The following WDFY3 variants were observed in gnomAD, a reference collection of about 807,000 sequenced individuals.
The protein encoded by WDFY3 is WD repeat and FYVE domain containing 3.
Under a neutral mutation model 409.6 loss-of-function variants are expected in WDFY3, and 66 were observed. That is an observed-to-expected ratio of 0.16 (90% CI 0.13 to 0.20). WDFY3 has a LOEUF of 0.20. Among genes scored for constraint, WDFY3 ranks in the 10% least tolerant of loss-of-function variants. WDFY3 has a pLI of 1.00. For missense variants in WDFY3, 3,031 were observed against 4,298.1 expected, an observed-to-expected ratio of 0.71 and a Z score of 8.24; for synonymous variants, 1,521 against 1,537.1, an observed-to-expected ratio of 0.99 and a Z score of 0.25.
chr4:84,876,503 T>C (rs1762802634), intron 3 of WDFY3, among the ~76,000 whole-genome samples: 1 of 152,186 alleles, frequency 6.6e-6, no homozygotes, highest in Non-Finnish European at 1.5e-5. Context: ...GCACTTAGAT[T>C]AGTATTTGGC....
At chr4:84,834,764 CA>C (rs1002970923) in intron 7 of WDFY3, among the ~76,000 whole-genome samples, 3 of 152,088 alleles carry the variant, frequency 2.0e-5, no homozygotes, top group African/African-American at 7.2e-5. Flanking sequence ...TCAACAACAA[CA>C]AAAAAACTGA....
At chr4:84,868,780 C>A (rs1171672521) in intron 3 of WDFY3, among the ~76,000 whole-genome samples, 1 of 152,114 alleles carries the variant, frequency 6.6e-6, no homozygotes, top group Non-Finnish European at 1.5e-5. Flanking sequence ...GAAATTGCAA[C>A]CACTAATAGA....
intron 21 of WDFY3, among the ~76,000 whole-genome samples, chr4:84,792,937 T>A (rs983524746): frequency 6.6e-6 from 1 of 152,160 alleles, no homozygotes; most frequent in Non-Finnish European, 1.5e-5. Context: ...ATTACAAAGA[T>A]AAGCAGACAA....
At chr4:84,950,513 C>T (rs773175987) in intron 1 of WDFY3, among the ~76,000 whole-genome samples, 4 of 151,892 alleles carry the variant, frequency 2.6e-5, no homozygotes, top group South Asian at 4.2e-4. Context: ...TAATTTTAGG[C>T]GGGCAAGGTG....
chr4:84,734,976 G>T, intron 43 of WDFY3, 67 bp downstream of exon 43: 1 of 1,334,222 alleles, frequency 7.5e-7, no homozygotes, highest in Non-Finnish European at 1.1e-6. Flanking sequence ...AAGATACCAG[G>T]ACAAACAGAG....
rs376157504 is a variant in WDFY3 at position 84,713,124 on chromosome 4, A to T, written c.8042+35T>A. 75 of 1,601,326 alleles carry T rather than the reference A, an allele frequency of 4.7e-5. 1 individual carries two copies. In the African/African-American group the frequency reaches 6.6e-4, roughly 14 times the overall value. On this transcript the variant is annotated intron_variant, in intron 51 of 67. Transcript: ENST00000295888. ...AGATATGAATCATCCCAACTTCACT[A>T]TTAAACTGTAACATGCAAGGAACAA...
intron 42 of WDFY3, 147 bp from the exon 43 acceptor site, chr4:84,735,267 A>G: frequency 7.1e-6 from 5 of 706,044 alleles, no homozygotes; most frequent in Non-Finnish European, 1.2e-5. Context: ...TTCAGAATGA[A>G]TTATATGCTT....
At chr4:84,957,468 C>T (rs1774387001) in intron 1 of WDFY3, among the ~76,000 whole-genome samples, 2 of 152,152 alleles carry the variant, frequency 1.3e-5, no homozygotes, top group Non-Finnish European at 2.9e-5. Flanking sequence ...TCAAGTCTTA[C>T]ATCTTCTGCA....
In WDFY3 at chr4:84,688,270, G is replaced by A. The variant is rs749286763; in HGVS notation, c.9364-5C>T. 3.1e-6 allele frequency: 5 copies of A among 1,611,362 alleles called. No individual in the cohort carries two copies. Among genetic ancestry groups the A allele is most frequent in the Non-Finnish European group, 3.4e-6 (4 of 1,178,716 alleles). On this transcript the variant is annotated splice_region_variant and splice_polypyrimidine_tract_variant and intron_variant, in intron 61 of 67. Coordinates refer to ENST00000295888, the MANE Select transcript of WDFY3 (RefSeq NM_014991.6). The stretch of plus-strand genomic sequence containing the variant: ...ATCAGTGTGGCCCAGTAAGGCCTAC[G>A]AATGAGAACAAACAAACAAAATCAG...
intron 38 of WDFY3, 49 bp downstream of exon 38, chr4:84,741,712 G>A: frequency 6.7e-7 from 1 of 1,497,862 alleles, no homozygotes; most frequent in Non-Finnish European, 9.0e-7. Context: ...GACACCATAG[G>A]CAAAACAGGA....
chr4:84,916,036 AG>A (rs1448043784), intron 2 of WDFY3, among the ~76,000 whole-genome samples: 2 of 152,314 alleles, frequency 1.3e-5, no homozygotes, highest in Non-Finnish European at 2.9e-5. Flanking sequence ...TCATATATTT[AG>A]GGGTAAGTAT....
At position 84,820,215 on chromosome 4, in the gene WDFY3, CAA is replaced by C. The variant is rs111443128; in HGVS notation, c.1592-31_1592-30del. The C allele has an allele frequency of 6.3e-4, 970 of 1,537,040 alleles. 4 individuals are homozygous for C. The African/African-American group carries it at 0.011, about 18-fold the overall frequency. ...AAAAAAGGTTCAAAGGTCCAAATTA[CAA>C]AAGTGATAAGCTTATTTTTTCTTGA... is the stretch of plus-strand genomic sequence containing the variant. On this transcript the variant is annotated intron_variant, in intron 11 of 67. Coordinates refer to ENST00000295888, the MANE Select transcript of WDFY3 (RefSeq NM_014991.6).
intron 17 of WDFY3, among the ~76,000 whole-genome samples, chr4:84,799,826 G>A (rs974917517): frequency 2.0e-4 from 31 of 152,166 alleles, no homozygotes; most frequent in African/African-American, 6.8e-4. Flanking sequence ...AAGTAGCAAA[G>A]TACTTGTACC....
chr4:84,936,766 G>C (rs990093069), intron 1 of WDFY3, among the ~76,000 whole-genome samples: 3 of 151,872 alleles, frequency 2.0e-5, no homozygotes, highest in African/African-American at 7.3e-5. Flanking sequence ...AAAAGCCACA[G>C]GCAATCAGAA....
At chr4:84,789,418 A>G (rs950332306) in intron 22 of WDFY3, among the ~76,000 whole-genome samples, 1 of 152,172 alleles carries the variant, frequency 6.6e-6, no homozygotes, top group Non-Finnish European at 1.5e-5. Context: ...TTATTTATGA[A>G]TCCTTCAACT....
chr4:84,718,052 T>C (rs1734238766), intron 48 of WDFY3, among the ~76,000 whole-genome samples: 1 of 79,148 alleles, frequency 1.3e-5, no homozygotes. Context: ...AGTGAGACAC[T>C]GTCTCAAAAA....
At chr4:84,864,240 C>T (rs1321065554) in intron 3 of WDFY3, among the ~76,000 whole-genome samples, 2 of 151,910 alleles carry the variant, frequency 1.3e-5, no homozygotes, top group African/African-American at 2.4e-5. Flanking sequence ...TGGTGGCACA[C>T]ACCAGTAGTC....
intron 44 of WDFY3, among the ~76,000 whole-genome samples, chr4:84,728,230 A>T (rs1735987048): frequency 6.6e-6 from 1 of 152,116 alleles, no homozygotes; most frequent in Admixed American, 6.6e-5. Context: ...CAAAACAAAC[A>T]AACAAAAACA....
At chr4:84,796,392 CAAT>C in intron 19 of WDFY3, 126 bp downstream of exon 19, 1 of 540,980 alleles carries the variant, frequency 1.8e-6, no homozygotes, top group Non-Finnish European at 2.9e-6. Flanking sequence ...TCAAAAAACT[CAAT>C]AATTAAAAAA....
Sources: gnomAD v4.1 joint callset for allele counts (sites outside exome capture counted in the v4.1 genomes callset) on GRCh38, gnomAD v4.1.1 for gene constraint, MANE v1.5 for transcripts, NCBI Gene and HGNC (gene_info 2026-07-23, HGNC 2026-07-21) for gene names.